The following INPP5D variants were observed in gnomAD, a reference collection of about 807,000 sequenced individuals.
The protein encoded by INPP5D is phosphatidylinositol 3,4,5-trisphosphate 5-phosphatase 1.
Under a neutral mutation model 122.9 loss-of-function variants are expected in INPP5D, and 33 were observed. The ratio of observed to expected loss-of-function variants is 0.27; its 90% confidence interval spans 0.20 to 0.36. The LOEUF is 0.36. Ranked by LOEUF, INPP5D falls within the 10% of genes least tolerant of loss-of-function variation. The pLI, the probability that INPP5D is intolerant of heterozygous loss-of-function variation, is 1.00. For synonymous variants in INPP5D, 584 were observed against 576.2 expected (o/e 1.01, Z -0.19); for missense variants, 1,053 against 1,412.7 (o/e 0.75, Z 4.08).
At position 233,128,860 on chromosome 2, in the gene INPP5D, T is replaced by A. The variant is rs7597516; in HGVS notation, c.525-1648T>A. ...AAGCCTTGTGGCCTTTAGTTTCAAT[T>A]TGATTACATATCAAGCCTGGAATAA... On this transcript the variant is annotated intron_variant, in intron 4 of 26. Coordinates refer to ENST00000445964, the MANE Select transcript of INPP5D (RefSeq NM_001017915.3). The surrounding 1 kb of genome is among the most constrained non-coding windows in gnomAD (Gnocchi z 4.5). 0.33 allele frequency among the ~76,000 whole-genome samples: 50,521 copies of A among 152,154 alleles called. 10,312 individuals carry two copies. The highest frequency in any genetic ancestry group is 0.45 in the Non-Finnish European group (30,400 of 67,976).
rs969095612 is a variant in INPP5D, at chr2:233,188,700, G to A, written c.2359-1150G>A. Among the ~76,000 whole-genome samples, 2 of 152,142 alleles carry A rather than the reference G, an allele frequency of 1.3e-5. No individual in the cohort carries two copies. Among genetic ancestry groups the A allele is most frequent in the Non-Finnish European group, 2.9e-5 (2 of 68,020 alleles). Reference sequence around the variant, plus strand: ...TCTCAGCCTCCCGAGTACCTGGGACGACAGGCACGCCCCATCAAGCCTCGC... The same window carrying A: ...TCTCAGCCTCCCGAGTACCTGGGACAACAGGCACGCCCCATCAAGCCTCGC... On this transcript the variant is annotated intron_variant, in intron 21 of 26. Transcript: ENST00000445964. This position sits in a 1 kb window ranked among gnomAD's most constrained non-coding sequence, Gnocchi z 4.7.
chr2:233,067,229 C>T (rs1691255327), intron 1 of INPP5D, among the ~76,000 whole-genome samples: 2 of 152,238 alleles, frequency 1.3e-5, no homozygotes, highest in South Asian at 4.1e-4. Flanking sequence ...CACCCAAACC[C>T]TGGCAGCAAC....
rs1259618972 is a variant in INPP5D, at chr2:233,177,872, A to G, written c.2071+526A>G. Among the ~76,000 whole-genome samples, 1 of 152,116 alleles carries G rather than the reference A, an allele frequency of 6.6e-6. No homozygotes were observed. The highest frequency in any genetic ancestry group is 1.5e-5 in the Non-Finnish European group (1 of 68,016). ...TTACAGGCATGAGCCACCGCGGCCG[A>G]CCCGGAGCACTTTTTTAAAAATTCA... On this transcript the variant is annotated intron_variant, in intron 18 of 26. Transcript: ENST00000445964. The surrounding 1 kb of genome is among the most constrained non-coding windows in gnomAD (Gnocchi z 4.2).
rs994652577 is a variant in INPP5D, at chr2:233,128,157, G to A, written c.524+2238G>A. On this transcript the variant is annotated intron_variant, in intron 4 of 26. Transcript: ENST00000445964. The surrounding 1 kb of genome is among the most constrained non-coding windows in gnomAD (Gnocchi z 4.5). ...ATGAGTGTGAACCCGGTTGTGAACT[G>A]TGCACTTGAGGGATCTAGGCTGCAC... Among the ~76,000 whole-genome samples, 4 of 152,150 alleles carry A rather than the reference G, an allele frequency of 2.6e-5. No individual in the cohort carries two copies. Among genetic ancestry groups the A allele is most frequent in the African/African-American group, 9.7e-5 (4 of 41,412 alleles).
At chr2:233,120,312 C>T (rs937472148) in intron 2 of INPP5D, among the ~76,000 whole-genome samples, 6 of 151,748 alleles carry the variant, frequency 4.0e-5, no homozygotes, top group African/African-American at 7.3e-5. Flanking sequence ...GGTGAAACCC[C>T]GTCTCTACTA....
chr2:233,193,880 C>T lies in INPP5D; in HGVS notation c.2515C>T (p.His839Tyr), dbSNP rs748187441. The T allele has an allele frequency of 6.2e-7, 1 of 1,613,986 alleles. No individual in the cohort carries two copies. Among genetic ancestry groups the T allele is most frequent in the Non-Finnish European group, 8.5e-7 (1 of 1,179,882 alleles). Residue 839 changes from histidine to tyrosine, a missense_variant, in exon 23 of 27, where the codon CAC becomes TAC. His to Tyr is a moderately conservative substitution (Grantham distance 83, BLOSUM62 2). Transcript: ENST00000445964. Reference sequence around the variant, plus strand: ...GCTGCCCATCTACACGCCTCTCACCCACCATGGGGAGTTGACAGGCCACTT... The same window carrying T: ...GCTGCCCATCTACACGCCTCTCACCTACCATGGGGAGTTGACAGGCCACTT... ...TQLPIYTPLT[H>Y]HGELTGHFQG...
chr2:233,127,885 G>A (rs1693209651), intron 4 of INPP5D, among the ~76,000 whole-genome samples: 1 of 152,210 alleles, frequency 6.6e-6, no homozygotes, highest in Non-Finnish European at 1.5e-5. Context: ...TGGGATTATA[G>A]GCATGAGCCA....
At chr2:233,135,102 T>G (rs1693432497) in intron 5 of INPP5D, among the ~76,000 whole-genome samples, 1 of 144,098 alleles carries the variant, frequency 6.9e-6, no homozygotes, top group African/African-American at 2.6e-5. Context: ...AAAAAAAAAT[T>G]TCCAGGCTTA....
intron 20 of INPP5D, 102 bp from the exon 21 acceptor site, chr2:233,185,736 AAGGAG>A: frequency 2.7e-6 from 3 of 1,129,894 alleles, no homozygotes; most frequent in Non-Finnish European, 2.3e-6. Context: ...AAAAAAAAAA[AAGGAG>A]AGAGCACATC....
intron 2 of INPP5D, among the ~76,000 whole-genome samples, chr2:233,121,121 CTTT>C (rs369587747): frequency 8.5e-6 from 1 of 117,656 alleles, no homozygotes; most frequent in Non-Finnish European, 1.8e-5. Context: ...TTCTTTCTTT[CTTT>C]TTTTTTTTTC....
chr2:233,156,320 T>G (rs2106288315), intron 9 of INPP5D, among the ~76,000 whole-genome samples: 1 of 138,144 alleles, frequency 7.2e-6, no homozygotes, highest in South Asian at 2.1e-4. Context: ...AGATGGAGTC[T>G]CACTCTGTCG....
intron 9 of INPP5D, among the ~76,000 whole-genome samples, chr2:233,150,944 G>A (rs952230004): frequency 2.0e-5 from 3 of 152,120 alleles, no homozygotes; most frequent in Non-Finnish European, 2.9e-5. Context: ...TGCAGGGAAC[G>A]GGACAGGGGG....
chr2:233,198,334 C>T lies in INPP5D; in HGVS notation c.2933C>T (p.Ser978Leu), dbSNP rs780076125. 3.7e-6 allele frequency: 6 copies of T among 1,613,464 alleles called. No homozygotes were observed. In the Admixed American group the frequency reaches 8.3e-5, roughly 22 times the overall value. The change falls in exon 25 of 27, where the codon TCA becomes TTA. Residue 978 changes from serine (S) to leucine (L), a missense_variant. Ser to Leu is a moderately radical substitution (Grantham distance 145). Around this residue, in one of 6 missense-constraint regions of INPP5D, gnomAD observed 417 missense variants for 425.8 expected, o/e 0.98. Transcript: ENST00000445964. Reference protein sequence around the residue: ...PPISPKKFLPSTANRGLPPRT... With the variant: ...PPISPKKFLPLTANRGLPPRT... ...ATATCACCCAAGAAGTTTTTACCCT[C>T]AACAGCAAACCGGGGTCTCCCTCCC...
chr2:233,113,941 C>G (rs1340540403), intron 2 of INPP5D, among the ~76,000 whole-genome samples: 1 of 140,842 alleles, frequency 7.1e-6, no homozygotes, highest in Non-Finnish European at 1.5e-5. Context: ...GAGTCTCGCT[C>G]TGTCGCCCAG....
At chr2:233,148,037 G>A (rs1693814652) in intron 9 of INPP5D, among the ~76,000 whole-genome samples, 1 of 152,172 alleles carries the variant, frequency 6.6e-6, no homozygotes, top group East Asian at 1.9e-4. Context: ...GGCTCTTTAG[G>A]CTAGAGCCCA....
rs140450451 is a variant in INPP5D, at chr2:233,147,357, C to T, written c.907-114C>T. The T allele has an allele frequency of 7.5e-4, 478 of 639,054 alleles. 1 individual carries two copies. The highest frequency in any genetic ancestry group is 7.4e-3 in the African/African-American group (410 of 55,498). 39.6% of individuals were successfully genotyped at this position (639,054 alleles called of 1,614,324 possible). ...GGGCAAGAGAAGCCCAGTGGCCCCA[C>T]GAAGGACGCACACCAGAGGTTGCCC... On this transcript the variant is annotated intron_variant, in intron 8 of 26. Transcript: ENST00000445964.
chr2:233,130,483 T>G (rs763889218), intron 4 of INPP5D, 25 bp from the exon 5 acceptor site: 17 of 1,610,840 alleles, frequency 1.1e-5, no homozygotes, highest in Non-Finnish European at 1.4e-5. Flanking sequence ...GCAAGCATAG[T>G]TTGTTTCTTT....
At chr2:233,134,097 C>T (rs1386773781) in intron 5 of INPP5D, 1 of 444,924 alleles carries the variant, frequency 2.2e-6, no homozygotes, top group Non-Finnish European at 4.5e-6. Flanking sequence ...CCTGGGTTCC[C>T]AGTGTGAGGG....
In INPP5D at chr2:233,177,196, C is replaced by G; in HGVS notation, c.1990-69C>G. 6.3e-7 allele frequency: 1 copy of G among 1,593,268 alleles called. No homozygotes were observed. The highest frequency in any genetic ancestry group is 8.6e-7 in the Non-Finnish European group (1 of 1,165,994). On this transcript the variant is annotated intron_variant, in intron 17 of 26. Transcript: ENST00000445964. This position sits in a 1 kb window ranked among gnomAD's most constrained non-coding sequence, Gnocchi z 4.2. ...AGGATTACAGAGGCCACCAGTTAAT[C>G]TGTTCTTTTACTGATTAAAAAAATA...
Sources: gnomAD v4.1 joint callset for allele counts (sites outside exome capture counted in the v4.1 genomes callset) on GRCh38, gnomAD v4.1.1 for gene constraint, gnomAD v4.1.1 regional missense constraint, Gnocchi (gnomAD v3.1) non-coding constraint, MANE v1.5 for transcripts, NCBI Gene and HGNC (gene_info 2026-07-23, HGNC 2026-07-21) for gene names.